CCDC93: variants seen among roughly 807,000 people sequenced by gnomAD.
CCDC93 encodes the protein coiled-coil domain-containing protein 93.
CCDC93 carries 61 observed loss-of-function variants against 108.2 expected under a neutral mutation model. That is an observed-to-expected ratio of 0.56 (90% CI 0.46 to 0.70). The LOEUF is 0.70. Ranked by LOEUF, CCDC93 falls within the 30% of genes least tolerant of loss-of-function variation. The probability of loss-of-function intolerance (pLI) is 0.00; values close to 1 mark genes in which losing one functional copy is unlikely to be tolerated. For synonymous variants in CCDC93, 276 were observed against 260.4 expected, an observed-to-expected ratio of 1.06 and a Z score of -0.58; for missense variants, 685 against 764.2, an observed-to-expected ratio of 0.90 and a Z score of 1.22.
At position 117,931,169 on chromosome 2, in the gene CCDC93, A is replaced by G. The variant is rs750866449; in HGVS notation, c.1729-19T>C. On this transcript the variant is annotated intron_variant, in intron 22 of 23. Transcript: ENST00000376300. ...TTTCCATCTGTTGAAACATTGTGGGAAATGGTGATGAAAAGACATGTTCTG... is the reference window on the plus strand; with the variant it reads ...TTTCCATCTGTTGAAACATTGTGGGGAATGGTGATGAAAAGACATGTTCTG... 2 of 1,581,016 alleles carry G rather than the reference A, an allele frequency of 1.3e-6. No individual in the cohort carries two copies. Among genetic ancestry groups the G allele is most frequent in the Non-Finnish European group, 1.7e-6 (2 of 1,150,306 alleles).
chr2:118,006,820 C>A lies in CCDC93; in HGVS notation c.157-4G>T. 6.4e-7 allele frequency: 1 copy of A among 1,565,840 alleles called. No homozygotes were observed. Among genetic ancestry groups the A allele is most frequent in the African/African-American group, 1.4e-5 (1 of 73,916 alleles). On this transcript the variant is annotated splice_polypyrimidine_tract_variant and splice_region_variant and intron_variant, in intron 2 of 23. Transcript: ENST00000376300. ...ACCAAGTCATTCCTCCTACTACCTG[C>A]AAGACATAAAGAAAATATTTGTTTT...
chr2:117,967,069 T>C (rs1294657772), intron 11 of CCDC93, among the ~76,000 whole-genome samples: 5 of 152,200 alleles, frequency 3.3e-5, no homozygotes, highest in Non-Finnish European at 7.3e-5. Context: ...CTCAGCTCAC[T>C]GCAACCTCCG....
Position 117,949,425 on chromosome 2 carries a change from G to A in CCDC93, c.1069-30C>T, listed in dbSNP as rs772890222. 1.2e-5 allele frequency: 18 copies of A among 1,535,290 alleles called. No homozygotes were observed. In the South Asian group the frequency reaches 1.9e-4, roughly 16 times the overall value. On this transcript the variant is annotated intron_variant, in intron 13 of 23. Coordinates refer to ENST00000376300, the MANE Select transcript of CCDC93 (RefSeq NM_019044.5). ...AAGAGAGAATGAAGACATGGTTGCT[G>A]GAGCCTTGGTAGCAGAGGTGAACAA...
At position 117,945,587 on chromosome 2, in the gene CCDC93, A is replaced by T; in HGVS notation, c.1297-5T>A. 1 of 1,612,664 alleles carries T rather than the reference A, an allele frequency of 6.2e-7. No homozygotes were observed. Among genetic ancestry groups the T allele is most frequent in the Non-Finnish European group, 8.5e-7 (1 of 1,178,702 alleles). ...CGGCTCTCCACTGGAGAGGGTCTGA[A>T]ACAATGAAAACATAATAAACACCTC... On this transcript the variant is annotated splice_polypyrimidine_tract_variant and splice_region_variant and intron_variant, in intron 16 of 23. Coordinates refer to ENST00000376300, the MANE Select transcript of CCDC93 (RefSeq NM_019044.5).
intron 3 of CCDC93, among the ~76,000 whole-genome samples, chr2:118,004,970 T>C (rs1558806087): frequency 6.6e-6 from 1 of 151,776 alleles, no homozygotes; most frequent in Non-Finnish European, 1.5e-5. Flanking sequence ...CACTCTATAA[T>C]AAAAAAAAAT....
chr2:117,952,672 T>A (rs1001215808), intron 12 of CCDC93, among the ~76,000 whole-genome samples: 1 of 152,190 alleles, frequency 6.6e-6, no homozygotes, highest in Non-Finnish European at 1.5e-5. Context: ...ATCTTTATAT[T>A]CAGTGAAAAA....
chr2:117,937,140 T>C (rs951496007), intron 20 of CCDC93, among the ~76,000 whole-genome samples: 1 of 152,202 alleles, frequency 6.6e-6, no homozygotes, highest in African/African-American at 2.4e-5. Flanking sequence ...AGTCAGACAG[T>C]GTGGAAAGTG....
At chr2:117,973,852 G>T in intron 11 of CCDC93, 56 bp downstream of exon 11, 2 of 1,366,780 alleles carry the variant, frequency 1.5e-6, no homozygotes, top group South Asian at 1.2e-5. Flanking sequence ...GGAAGTGGGA[G>T]AACAAAGCCA....
At chr2:118,001,901 A>C (rs1404741626) in intron 3 of CCDC93, among the ~76,000 whole-genome samples, 1 of 152,194 alleles carries the variant, frequency 6.6e-6, no homozygotes, top group East Asian at 1.9e-4. Context: ...ATCAGACTCA[A>C]GGGGAGAGAA....
intron 7 of CCDC93, 64 bp from the exon 8 acceptor site, chr2:117,978,094 C>G: frequency 1.4e-6 from 2 of 1,444,398 alleles, no homozygotes; most frequent in South Asian, 2.3e-5. Context: ...CAGTGAAATG[C>G]ATTTTGGTTG....
chr2:117,944,934 G>C, intron 17 of CCDC93: 2 of 395,028 alleles, frequency 5.1e-6, no homozygotes, highest in South Asian at 3.8e-5. Context: ...GAGAGCACTG[G>C]TTTAACTCAG....
intron 1 of CCDC93, among the ~76,000 whole-genome samples, chr2:118,009,863 A>G (rs796858409): frequency 1.1e-4 from 16 of 152,322 alleles, no homozygotes; most frequent in African/African-American, 3.8e-4. Flanking sequence ...GATTGCCTTA[A>G]AAATAATAAA....
intron 23 of CCDC93, among the ~76,000 whole-genome samples, chr2:117,925,584 T>C (rs1678055137): frequency 2.0e-5 from 3 of 152,184 alleles, no homozygotes; most frequent in East Asian, 1.9e-4. Context: ...ATCCTGAATA[T>C]ATATGCACCC....
rs188217202 is a variant in CCDC93, at chr2:117,975,215, C to T, written c.723G>A (p.Glu241=). ...LSATEKADAH[E]EDELRAAEEQ... ...CTTCAGCTGCTCGAAGCTCATCTTCCTCGTGGGCATCAGCTTTTTCTGTAG... is the reference window on the plus strand; with the variant it reads ...CTTCAGCTGCTCGAAGCTCATCTTCTTCGTGGGCATCAGCTTTTTCTGTAG... The change falls in exon 9 of 24, where the codon GAG becomes GAA. Residue 241 remains glutamate (E), a synonymous_variant. Transcript: ENST00000376300. 9.3e-6 allele frequency: 15 copies of T among 1,613,912 alleles called. No homozygotes were observed. In the East Asian group the frequency reaches 2.7e-4, roughly 29 times the overall value.
intron 11 of CCDC93, among the ~76,000 whole-genome samples, chr2:117,962,278 A>G (rs1037747235): frequency 6.6e-6 from 1 of 152,184 alleles, no homozygotes; most frequent in Non-Finnish European, 1.5e-5. Context: ...AAGAATTCCT[A>G]TCTTACAAGG....
chr2:117,931,364 C>T (rs1419823407), intron 22 of CCDC93: 2 of 455,568 alleles, frequency 4.4e-6, no homozygotes, highest in Non-Finnish European at 7.8e-6. Context: ...TGAGTATTAA[C>T]TGTTTCCATT....
intron 11 of CCDC93, among the ~76,000 whole-genome samples, chr2:117,961,111 T>C (rs561647734): frequency 1.3e-5 from 2 of 151,978 alleles, no homozygotes; most frequent in Non-Finnish European, 2.9e-5. Flanking sequence ...GGACAGTCAA[T>C]GGGGTGGGCT....
intron 7 of CCDC93, among the ~76,000 whole-genome samples, chr2:117,981,151 T>A (rs967928844): frequency 6.6e-6 from 1 of 152,226 alleles, no homozygotes; most frequent in Non-Finnish European, 1.5e-5. Flanking sequence ...AAATTCATAA[T>A]TGTGCAATAT....
chr2:117,962,744 A>G (rs568515495), intron 11 of CCDC93, among the ~76,000 whole-genome samples: 2 of 152,344 alleles, frequency 1.3e-5, no homozygotes, highest in East Asian at 3.9e-4. Context: ...CGGAAGGCCA[A>G]AAAGTAACTG....
Sources: gnomAD v4.1 joint callset for allele counts (sites outside exome capture counted in the v4.1 genomes callset) on GRCh38, gnomAD v4.1.1 for gene constraint, MANE v1.5 for transcripts, NCBI Gene and HGNC (gene_info 2026-07-23, HGNC 2026-07-21) for gene names.